PLEKHA5: variants seen among roughly 807,000 people sequenced by gnomAD.
PLEKHA5 encodes pleckstrin homology domain containing A5, also known as pleckstrin homology domain-containing family A member 5.
Under a neutral mutation model 181.9 loss-of-function variants are expected in PLEKHA5, and 55 were observed. That is an observed-to-expected ratio of 0.30 (90% confidence interval 0.24 to 0.38). The LOEUF is 0.38. Ranked by LOEUF, PLEKHA5 falls within the 10% of genes least tolerant of loss-of-function variation. The probability of loss-of-function intolerance (pLI) is 1.00; values close to 1 mark genes in which losing one functional copy is unlikely to be tolerated. For missense variants in PLEKHA5, 1,432 were observed against 1,549.5 expected (o/e 0.92, Z 1.27); for synonymous variants, 535 against 529.4 (o/e 1.01, Z -0.15).
At chr12:19,370,855 G>C (rs2095557261) in intron 31 of PLEKHA5, 1 of 151,432 alleles carries the variant, frequency 6.6e-6, no homozygotes, top group Non-Finnish European at 1.5e-5. Flanking sequence ...ACACTCGGCT[G>C]ATATTTCGAT....
At chr12:19,160,658 T>C (rs2042759742) in intron 3 of PLEKHA5, among the ~76,000 whole-genome samples, 1 of 152,156 alleles carries the variant, frequency 6.6e-6, no homozygotes, top group South Asian at 2.1e-4. Flanking sequence ...CTATTAAATA[T>C]TGATGTACAT....
intron 3 of PLEKHA5, among the ~76,000 whole-genome samples, chr12:19,178,760 A>G (rs922461676): frequency 8.5e-5 from 13 of 152,318 alleles, no homozygotes; most frequent in African/African-American, 2.6e-4. Flanking sequence ...CTTAATCTCT[A>G]CAGAGGAGTT....
chr12:19,316,189 A>ATG (rs1485716469), intron 16 of PLEKHA5, among the ~76,000 whole-genome samples: 4 of 152,076 alleles, frequency 2.6e-5, no homozygotes, highest in African/African-American at 9.7e-5. Context: ...AAGATGCTAA[A>ATG]TTGACATGAG....
intron 15 of PLEKHA5, among the ~76,000 whole-genome samples, chr12:19,297,518 A>AG (rs992756881): frequency 7.4e-5 from 11 of 148,474 alleles, no homozygotes; most frequent in African/African-American, 2.7e-4. Flanking sequence ...GCTACTGGGG[A>AG]GGCTGAGGCA....
intron 3 of PLEKHA5, among the ~76,000 whole-genome samples, chr12:19,180,158 G>A (rs2048226424): frequency 6.6e-6 from 1 of 152,156 alleles, no homozygotes; most frequent in African/African-American, 2.4e-5. Context: ...AATGCCAGCG[G>A]TAGTAAGCAA....
chr12:19,195,295 C>T (rs1334136206), intron 3 of PLEKHA5, among the ~76,000 whole-genome samples: 1 of 152,016 alleles, frequency 6.6e-6, no homozygotes, highest in Non-Finnish European at 1.5e-5. Context: ...ACCCCTTTTT[C>T]CCCCCATTTC....
At chr12:19,138,629 A>AGG (rs1275730757) in intron 3 of PLEKHA5, among the ~76,000 whole-genome samples, 1 of 151,356 alleles carries the variant, frequency 6.6e-6, no homozygotes, top group Non-Finnish European at 1.5e-5. Context: ...GAGGAGGAAG[A>AGG]GGCAGCCTAG....
At chr12:19,256,943 C>A (rs2067037629) in intron 5 of PLEKHA5, among the ~76,000 whole-genome samples, 1 of 152,106 alleles carries the variant, frequency 6.6e-6, no homozygotes, top group African/African-American at 2.4e-5. Flanking sequence ...TCCTTCCTGT[C>A]CTGTTTTGAC....
Position 19,347,053 on chromosome 12 carries a change from G to A in PLEKHA5, c.2769G>A (p.Gln923=). ...PLPRSYDFTE[Q]PPIIPPLPSD... is the part of the protein sequence containing the mutation. ...CTCGGTCCTATGACTTTACAGAGCA[G>A]CCTCCCATAATCCCCCCTCTGCCCA... The change falls in exon 24 of 32, where the codon CAG becomes CAA. Residue 923 remains glutamine, a synonymous_variant. Coordinates refer to ENST00000429027, the MANE Select transcript of PLEKHA5 (RefSeq NM_001256470.2). 1 of 1,551,614 alleles carries A rather than the reference G, an allele frequency of 6.4e-7. No homozygotes were observed. Among genetic ancestry groups the A allele is most frequent in the South Asian group, 1.2e-5 (1 of 84,022 alleles).
At chr12:19,273,688 C>T (rs1157398088) in intron 10 of PLEKHA5, among the ~76,000 whole-genome samples, 1 of 152,206 alleles carries the variant, frequency 6.6e-6, no homozygotes, top group Non-Finnish European at 1.5e-5. Context: ...GCAAGTACAA[C>T]TGTCGAGTGA....
At chr12:19,215,301 T>A (rs1237347464) in intron 3 of PLEKHA5, among the ~76,000 whole-genome samples, 4 of 152,290 alleles carry the variant, frequency 2.6e-5, no homozygotes, top group South Asian at 2.1e-4. Flanking sequence ...AGTTTTTTTT[T>A]AAATGTAAAA....
At chr12:19,138,084 T>G (rs1427449945) in intron 3 of PLEKHA5, among the ~76,000 whole-genome samples, 1 of 151,918 alleles carries the variant, frequency 6.6e-6, no homozygotes, top group African/African-American at 2.4e-5. Flanking sequence ...ATTGGAAGAG[T>G]TGAAGAGTCG....
At chr12:19,258,836 A>T (rs1019085882) in intron 6 of PLEKHA5, among the ~76,000 whole-genome samples, 11 of 151,258 alleles carry the variant, frequency 7.3e-5, no homozygotes, top group South Asian at 2.2e-4. Context: ...AAGTGCTGGG[A>T]TTACAGGCGT....
chr12:19,347,438 A>T (rs2094390277), intron 24 of PLEKHA5, among the ~76,000 whole-genome samples: 5 of 152,010 alleles, frequency 3.3e-5, no homozygotes, highest in Admixed American at 6.6e-5. Context: ...TAAAGTGGTA[A>T]CTTTTCCCAT....
chr12:19,179,371 T>G (rs1488714978), intron 3 of PLEKHA5, among the ~76,000 whole-genome samples: 1 of 152,134 alleles, frequency 6.6e-6, no homozygotes, highest in African/African-American at 2.4e-5. Flanking sequence ...AAGAATGAAG[T>G]GTTGGCCGGG....
chr12:19,369,438 G>A (rs935847968), intron 30 of PLEKHA5, among the ~76,000 whole-genome samples: 21 of 151,924 alleles, frequency 1.4e-4, no homozygotes, highest in African/African-American at 3.6e-4. Context: ...CCAACACTTC[G>A]GGAGACCAAG....
At chr12:19,202,935 T>C (rs1469056208) in intron 3 of PLEKHA5, among the ~76,000 whole-genome samples, 3 of 152,148 alleles carry the variant, frequency 2.0e-5, no homozygotes, top group Non-Finnish European at 2.9e-5. Flanking sequence ...AAGTGAGTTA[T>C]ATCTTTGGTT....
At chr12:19,173,485 C>A (rs565401647) in intron 3 of PLEKHA5, among the ~76,000 whole-genome samples, 1 of 152,062 alleles carries the variant, frequency 6.6e-6, no homozygotes, top group African/African-American at 2.4e-5. Context: ...GCTCCATTAT[C>A]GGAGCCAGAC....
chr12:19,353,909 C>A lies in PLEKHA5; in HGVS notation c.3045C>A (p.Val1015=). The A allele has an allele frequency of 6.3e-7, 1 of 1,597,112 alleles. No homozygotes were observed. The highest frequency in any genetic ancestry group is 8.6e-7 in the Non-Finnish European group (1 of 1,164,774). ...VKGSHFPVGV[V]PPRAKSPTPE... ...GTTCCCACTTTCCTGTTGGAGTAGTCCCTCCAAGAGCAAAATCACCAACAC... is the reference window on the plus strand; with the variant it reads ...GTTCCCACTTTCCTGTTGGAGTAGTACCTCCAAGAGCAAAATCACCAACAC... The change falls in exon 26 of 32, where the codon GTC becomes GTA. Residue 1015 remains valine (V), a synonymous_variant. Coordinates refer to ENST00000429027, the MANE Select transcript of PLEKHA5 (RefSeq NM_001256470.2).
Sources: gnomAD v4.1 joint callset for allele counts (sites outside exome capture counted in the v4.1 genomes callset) on GRCh38, gnomAD v4.1.1 for gene constraint, MANE v1.5 for transcripts, NCBI Gene and HGNC (gene_info 2026-07-23, HGNC 2026-07-21) for gene names.